Variants in SCIN observed in about 807,000 individuals in gnomAD.
The protein encoded by SCIN is adseverin.
In SCIN, 91 loss-of-function variants were observed where a neutral mutation model predicts 91.8. That is an observed-to-expected ratio of 0.99 (90% CI 0.84 to 1.18). The LOEUF (loss-of-function observed/expected upper bound fraction) is 1.18, where lower values mean the gene tolerates loss of function less well. Among genes scored for constraint, SCIN ranks in the 50% most tolerant of loss-of-function variants. The probability of loss-of-function intolerance (pLI) is 0.00; values close to 1 mark genes in which losing one functional copy is unlikely to be tolerated. For missense variants in SCIN, 1,087 were observed against 863.9 expected, an observed-to-expected ratio of 1.26 and a Z score of -3.24; for synonymous variants, 367 against 312.6, an observed-to-expected ratio of 1.17 and a Z score of -1.84.
rs115635424 is a variant in SCIN at position 12,590,162 on chromosome 7, A to G, written c.516+8941A>G. On this transcript the variant is annotated intron_variant, in intron 3 of 15. Coordinates refer to ENST00000297029, the MANE Select transcript of SCIN (RefSeq NM_001112706.3). ...ACCAAATGTAGGGATGATTTCTGTT[A>G]CAAGAATTTGGGAGACTTCTGCGGC... is the stretch of plus-strand genomic sequence containing the variant. 6.3e-3 allele frequency among the ~76,000 whole-genome samples: 961 copies of G among 152,306 alleles called. 12 individuals carry two copies. The highest frequency in any genetic ancestry group is 0.022 in the African/African-American group (904 of 41,562).
intron 3 of SCIN, among the ~76,000 whole-genome samples, chr7:12,584,158 T>G (rs1179661675): frequency 2.0e-5 from 3 of 152,202 alleles, no homozygotes; most frequent in Admixed American, 1.3e-4. Context: ...GCAACTTTAT[T>G]TTGGGGTGTG....
intron 3 of SCIN, among the ~76,000 whole-genome samples, chr7:12,604,034 CT>C (rs1469150078): frequency 6.6e-6 from 1 of 151,898 alleles, no homozygotes; most frequent in Non-Finnish European, 1.5e-5. Flanking sequence ...TATTAATTAT[CT>C]TGATTCAGCC....
intron 13 of SCIN, among the ~76,000 whole-genome samples, chr7:12,647,290 T>G (rs1405902799): frequency 6.6e-6 from 1 of 152,250 alleles, no homozygotes; most frequent in Non-Finnish European, 1.5e-5. Context: ...TTGGAACCCC[T>G]TCTGCTCCCT....
intron 6 of SCIN, 56 bp downstream of exon 6, chr7:12,625,198 A>C: frequency 7.2e-7 from 1 of 1,392,480 alleles, no homozygotes; most frequent in Non-Finnish European, 9.6e-7. Context: ...TTCCTCTATA[A>C]GGGTAAATAA....
chr7:12,583,535 G>T (rs901619617), intron 3 of SCIN, among the ~76,000 whole-genome samples: 14 of 152,158 alleles, frequency 9.2e-5, no homozygotes, highest in Non-Finnish European at 1.6e-4. Flanking sequence ...ATATTAGATA[G>T]TATGGCCTGG....
In SCIN at chr7:12,625,133, G is replaced by T. The variant is rs543074443; in HGVS notation, c.883G>T (p.Val295Leu). The T allele has an allele frequency of 6.2e-7, 1 of 1,607,954 alleles. No homozygotes were observed. The highest frequency in any genetic ancestry group is 1.1e-5 in the South Asian group (1 of 89,406). The part of the protein sequence containing the change: ...LDHGAAKQIF[V>L]WKGKDANPQE... ...CCACGGGGCTGCCAAACAAATTTTC[G>T]TATGGAAAGGTAAAAAATTCCATTG... The change falls in exon 6 of 16, where the codon GTA becomes TTA. Residue 295 changes from valine to leucine, a missense_variant. Coordinates refer to ENST00000297029, the MANE Select transcript of SCIN (RefSeq NM_001112706.3).
chr7:12,620,491 C>A (rs190546594), intron 4 of SCIN, among the ~76,000 whole-genome samples: 1 of 152,116 alleles, frequency 6.6e-6, no homozygotes, highest in Admixed American at 6.6e-5. Context: ...GCATAATATA[C>A]AATAGGTTCA....
At chr7:12,591,407 A>C (rs1331668486) in intron 3 of SCIN, among the ~76,000 whole-genome samples, 1 of 152,120 alleles carries the variant, frequency 6.6e-6, no homozygotes, top group African/African-American at 2.4e-5. Context: ...TAGTGCTTTA[A>C]AGCAGGCTGG....
intron 4 of SCIN, among the ~76,000 whole-genome samples, chr7:12,606,612 T>C (rs1783084467): frequency 6.6e-6 from 1 of 152,216 alleles, no homozygotes; most frequent in South Asian, 2.1e-4. Flanking sequence ...TATAAAATTT[T>C]ATATGCAATA....
Position 12,590,288 on chromosome 7 carries a change from T to A in SCIN, c.516+9067T>A, listed in dbSNP as rs569952472. 4.6e-5 allele frequency among the ~76,000 whole-genome samples: 7 copies of A among 152,278 alleles called. No homozygotes were observed. In the East Asian group the frequency reaches 1.4e-3, roughly 29 times the overall value. On this transcript the variant is annotated intron_variant, in intron 3 of 15. Transcript: ENST00000297029. ...CTTGACGGGATGAATGTGGGTGAAG[T>A]CTATTTGCCAGTCCTCCCCTGGGAG...
At chr7:12,593,816 G>A (rs1188617535) in intron 3 of SCIN, among the ~76,000 whole-genome samples, 1 of 152,150 alleles carries the variant, frequency 6.6e-6, no homozygotes, top group East Asian at 1.9e-4. Context: ...TACGGGCTTA[G>A]TAGGATCCTG....
intron 4 of SCIN, among the ~76,000 whole-genome samples, chr7:12,613,393 A>G (rs1260572405): frequency 6.6e-6 from 1 of 152,184 alleles, no homozygotes; most frequent in Non-Finnish European, 1.5e-5. Context: ...TTTACTTCGT[A>G]TCAGTTTCCT....
intron 9 of SCIN, among the ~76,000 whole-genome samples, chr7:12,634,254 G>A (rs1280538354): frequency 1.3e-5 from 2 of 152,172 alleles, no homozygotes; most frequent in Admixed American, 1.3e-4. Flanking sequence ...GGGAGGCCGA[G>A]GCAGGTGGAT....
At chr7:12,599,656 C>G (rs930923763) in intron 3 of SCIN, among the ~76,000 whole-genome samples, 5 of 152,020 alleles carry the variant, frequency 3.3e-5, no homozygotes, top group African/African-American at 9.7e-5. Context: ...AAAGTGTTCC[C>G]TTTCACCACA....
At chr7:12,590,299 G>T (rs1782690814) in intron 3 of SCIN, among the ~76,000 whole-genome samples, 1 of 152,220 alleles carries the variant, frequency 6.6e-6, no homozygotes, top group Non-Finnish European at 1.5e-5. Flanking sequence ...CTATTTGCCA[G>T]TCCTCCCCTG....
intron 3 of SCIN, among the ~76,000 whole-genome samples, chr7:12,599,395 G>GTGTA (rs1201760645): frequency 6.7e-6 from 1 of 150,260 alleles, no homozygotes; most frequent in African/African-American, 2.5e-5. Context: ...GTGTGTGTGT[G>GTGTA]TGTATCACAT....
intron 3 of SCIN, among the ~76,000 whole-genome samples, chr7:12,593,553 A>G (rs1272570544): frequency 5.3e-5 from 8 of 152,304 alleles, no homozygotes; most frequent in East Asian, 1.9e-4. Context: ...AGAAAGAACA[A>G]TAGTTCCTTC....
rs1350456487 is a variant in SCIN, at chr7:12,660,150, A to C, written c.*7435A>C. 1 of 152,636 alleles carries C rather than the reference A, an allele frequency of 6.6e-6. No individual in the cohort carries two copies. Among genetic ancestry groups the C allele is most frequent in the African/African-American group, 2.4e-5 (1 of 41,446 alleles). 9.5% of individuals were successfully genotyped at this position (152,636 alleles called of 1,614,324 possible). ...TTTCGGACTCAGCCCGCCTGCACCC[A>C]GGTGAAATAAACAGCCTTGTTGCTA... is the stretch of plus-strand genomic sequence containing the variant. On this transcript the variant is annotated 3_prime_UTR_variant, in exon 16 of 16. Coordinates refer to ENST00000297029, the MANE Select transcript of SCIN (RefSeq NM_001112706.3).
Position 12,617,918 on chromosome 7 carries a change from T to C in SCIN, c.667-4883T>C, listed in dbSNP as rs1783332139. ...TTTAATAAGTTGGCATTCTGGCTTA[T>C]GGCTTTTAATGACTTGTGATTTTGC... is the stretch of plus-strand genomic sequence containing the variant. On this transcript the variant is annotated intron_variant, in intron 4 of 15. Transcript: ENST00000297029. Among the ~76,000 whole-genome samples, 3 of 152,168 alleles carry C rather than the reference T, an allele frequency of 2.0e-5. No individual in the cohort carries two copies. The South Asian group carries it at 6.2e-4, about 31-fold the overall frequency.
Sources: gnomAD v4.1 joint callset for allele counts (sites outside exome capture counted in the v4.1 genomes callset) on GRCh38, gnomAD v4.1.1 for gene constraint, MANE v1.5 for transcripts, NCBI Gene and HGNC (gene_info 2026-07-23, HGNC 2026-07-21) for gene names.